The following PPARG variants were observed in gnomAD, a reference collection of about 807,000 sequenced individuals.
The protein encoded by PPARG is peroxisome proliferator-activated receptor gamma.
In PPARG, 17 loss-of-function variants were observed where a neutral mutation model predicts 39.2. That is an observed-to-expected ratio of 0.43 (90% CI 0.30 to 0.65). The LOEUF is 0.65. PPARG is among the 30% of genes least tolerant of loss of function. The probability of loss-of-function intolerance (pLI) is 0.13; values close to 1 mark genes in which losing one functional copy is unlikely to be tolerated. For synonymous variants in PPARG, 223 were observed against 215.7 expected (o/e 1.03, Z -0.30); for missense variants, 406 against 585.9 (o/e 0.69, Z 3.17).
chr3:12,302,771 G>A (rs1321664337), intron 1 of PPARG, among the ~76,000 whole-genome samples: 2 of 152,124 alleles, frequency 1.3e-5, no homozygotes, highest in East Asian at 3.9e-4. Flanking sequence ...CAGGAGCGGG[G>A]AGATTCCATA....
intron 2 of PPARG, among the ~76,000 whole-genome samples, chr3:12,373,141 T>G (rs1196077296): frequency 6.6e-6 from 1 of 152,190 alleles, no homozygotes; most frequent in Non-Finnish European, 1.5e-5. Flanking sequence ...GTAGCTTATG[T>G]TTTCTAGAGA....
intron 7 of PPARG, 33 bp downstream of exon 7, chr3:12,417,187 G>GGGTGGGATGAT: frequency 1.2e-6 from 2 of 1,605,342 alleles, no homozygotes; most frequent in Non-Finnish European, 1.7e-6. Context: ...CTATGAAAGA[G>GGGTGGGATGAT]GGTGGGATGA....
chr3:12,339,996 C>T (rs1463422483), intron 2 of PPARG, among the ~76,000 whole-genome samples: 2 of 152,092 alleles, frequency 1.3e-5, no homozygotes, highest in African/African-American at 4.8e-5. Flanking sequence ...AGACTGGCTC[C>T]CCATCACTCA....
intron 1 of PPARG, among the ~76,000 whole-genome samples, chr3:12,309,482 A>G (rs1204413381): frequency 6.6e-6 from 1 of 152,188 alleles, no homozygotes; most frequent in Non-Finnish European, 1.5e-5. Context: ...ATCAATATTG[A>G]TAAGTGGGAC....
chr3:12,392,756 A>G lies in PPARG; in HGVS notation c.529+4A>G. ...GCAGTGGGGATGTCTCATAATGGTA[A>G]GTAAACAGTCATCACCATATACTTT... On this transcript the variant is annotated splice_donor_region_variant and intron_variant, in intron 5 of 7. Transcript: ENST00000651735. The G allele has an allele frequency of 6.2e-7, 1 of 1,613,686 alleles. No homozygotes were observed. The highest frequency in any genetic ancestry group is 8.5e-7 in the Non-Finnish European group (1 of 1,179,714).
intron 7 of PPARG, among the ~76,000 whole-genome samples, chr3:12,433,548 A>AG (rs1553653865): frequency 2.0e-5 from 3 of 151,734 alleles, no homozygotes; most frequent in Admixed American, 6.6e-5. Context: ...AAAAAAAAAA[A>AG]AAAAGAAAAG....
chr3:12,382,638 CA>C (rs1404427896), intron 4 of PPARG, among the ~76,000 whole-genome samples: 1 of 152,110 alleles, frequency 6.6e-6, no homozygotes, highest in East Asian at 1.9e-4. Context: ...TTTCATACAT[CA>C]GTATTTAACC....
intron 7 of PPARG, among the ~76,000 whole-genome samples, chr3:12,420,655 G>T (rs889953222): frequency 2.0e-5 from 3 of 152,142 alleles, no homozygotes; most frequent in Non-Finnish European, 4.4e-5. Context: ...ATTAATGGGG[G>T]TGTCCCTAGA....
At chr3:12,358,995 C>T (rs1484962754) in intron 2 of PPARG, among the ~76,000 whole-genome samples, 2 of 152,168 alleles carry the variant, frequency 1.3e-5, no homozygotes, top group Non-Finnish European at 2.9e-5. Flanking sequence ...AATGGCTCCA[C>T]ATAATTTGGA....
chr3:12,303,137 A>G (rs11128597), intron 1 of PPARG, among the ~76,000 whole-genome samples: 43,508 of 151,974 alleles, frequency 0.29, 6,432 homozygotes, highest in East Asian at 0.49. Context: ...TTCATGCCAG[A>G]GTTAGAAGAC....
At chr3:12,317,400 G>T in intron 2 of PPARG, among the ~76,000 whole-genome samples, 1 of 151,950 alleles carries the variant, frequency 6.6e-6, no homozygotes, top group East Asian at 1.9e-4. Flanking sequence ...TTCCAGTTTT[G>T]TTCACATGTG....
chr3:12,295,907 A>AT (rs2046769155), intron 1 of PPARG, among the ~76,000 whole-genome samples: 1 of 152,174 alleles, frequency 6.6e-6, no homozygotes, highest in Non-Finnish European at 1.5e-5. Context: ...GTACTGACTG[A>AT]ATTCTATTCC....
chr3:12,310,042 A>G (rs996842076), intron 1 of PPARG, among the ~76,000 whole-genome samples: 2 of 152,154 alleles, frequency 1.3e-5, no homozygotes, highest in Admixed American at 6.6e-5. Context: ...CTCCCCCCAG[A>G]ATGGATCTTG....
chr3:12,323,770 AAG>A (rs1020869033), intron 2 of PPARG, among the ~76,000 whole-genome samples: 2 of 152,162 alleles, frequency 1.3e-5, no homozygotes, highest in African/African-American at 2.4e-5. Context: ...TAAAAAAAAA[AAG>A]AGTAAGGCCA....
At position 12,416,928 on chromosome 3, in the gene PPARG, T is replaced by C. The variant is rs770599951; in HGVS notation, c.954T>C (p.Tyr318=). 4.3e-6 allele frequency: 7 copies of C among 1,613,942 alleles called. No homozygotes were observed. In the African/African-American group the frequency reaches 6.7e-5, roughly 15 times the overall value. Residue 318 remains tyrosine (Y), a synonymous_variant, in exon 7 of 8, where the codon TAT becomes TAC. Transcript: ENST00000651735. ...ACGACCAAGTAACTCTCCTCAAATA[T>C]GGAGTCCACGAGATCATTTACACAA... ...DLNDQVTLLK[Y]GVHEIIYTML...
intron 1 of PPARG, among the ~76,000 whole-genome samples, chr3:12,310,146 G>A (rs2047186056): frequency 6.6e-6 from 1 of 152,168 alleles, no homozygotes; most frequent in African/African-American, 2.4e-5. Flanking sequence ...CTGGTAGCAG[G>A]AGGGGGTCTG....
chr3:12,289,572 C>G (rs994138973), intron 1 of PPARG, among the ~76,000 whole-genome samples: 11 of 152,168 alleles, frequency 7.2e-5, no homozygotes, highest in African/African-American at 2.7e-4. Flanking sequence ...CAATGAATAA[C>G]TTAACTCTTT....
At chr3:12,433,537 C>CAAAA (rs11451254) in intron 7 of PPARG, among the ~76,000 whole-genome samples, 1 of 98,816 alleles carries the variant, frequency 1.0e-5, no homozygotes, top group Non-Finnish European at 2.2e-5. Context: ...GACTCCATCT[C>CAAAA]AAAAAAAAAA....
chr3:12,349,137 A>G (rs940639748), intron 2 of PPARG, among the ~76,000 whole-genome samples: 6 of 152,216 alleles, frequency 3.9e-5, no homozygotes, highest in Non-Finnish European at 7.3e-5. Context: ...TAATTTTGAT[A>G]TAGTTACATG....
Sources: gnomAD v4.1 joint callset for allele counts (sites outside exome capture counted in the v4.1 genomes callset) on GRCh38, gnomAD v4.1.1 for gene constraint, MANE v1.5 for transcripts, NCBI Gene and HGNC (gene_info 2026-07-23, HGNC 2026-07-21) for gene names.